The following ERG variants were observed in gnomAD, a reference collection of about 807,000 sequenced individuals.
The protein encoded by ERG is transcriptional regulator ERG.
ERG carries 9 observed loss-of-function variants against 55.3 expected under a neutral mutation model. That is an observed-to-expected ratio of 0.16 (90% CI 0.10 to 0.28). ERG has a LOEUF of 0.28. ERG is among the 10% of genes least tolerant of loss of function. The probability of loss-of-function intolerance (pLI) is 1.00; values close to 1 mark genes in which losing one functional copy is unlikely to be tolerated. For missense variants in ERG, 434 were observed against 631.6 expected (o/e 0.69, Z 3.35); for synonymous variants, 223 against 237.3 (o/e 0.94, Z 0.55).
At chr21:38,549,540 T>G (rs1473964954) in intron 2 of ERG, among the ~76,000 whole-genome samples, 1 of 152,212 alleles carries the variant, frequency 6.6e-6, no homozygotes. Context: ...ATGTCCTGAT[T>G]GTTGGGGTTT....
rs1333719146 is a variant in ERG, at chr21:38,429,744, TATAC to T, written c.237-6187_237-6184del. 6.4e-3 allele frequency among the ~76,000 whole-genome samples: 689 copies of T among 107,516 alleles called. 23 individuals are homozygous for T. The highest frequency in any genetic ancestry group is 0.024 in the African/African-American group (656 of 26,910). 70.5% of individuals were successfully genotyped at this position (107,516 alleles called of 152,430 possible). On this transcript the variant is annotated intron_variant, in intron 2 of 9. Coordinates refer to ENST00000288319, the MANE Select transcript of ERG (RefSeq NM_182918.4). ...GTCTATATATATGTGTGTATATATA[TATAC>T]ACACACACACACACACCACATTTTC... is the stretch of plus-strand genomic sequence containing the variant.
chr21:38,515,115 G>A (rs1317584385), intron 2 of ERG, among the ~76,000 whole-genome samples: 1 of 151,862 alleles, frequency 6.6e-6, no homozygotes, highest in Admixed American at 6.6e-5. Flanking sequence ...TTCATGGATT[G>A]AAAAACTTAA....
chr21:38,528,366 A>T (rs1002751825), intron 2 of ERG, among the ~76,000 whole-genome samples: 3 of 151,040 alleles, frequency 2.0e-5, no homozygotes, highest in African/African-American at 7.3e-5. Flanking sequence ...TTAGAACTTC[A>T]CAATTACTGA....
chr21:38,387,217 C>T (rs1569056450), intron 9 of ERG, among the ~76,000 whole-genome samples: 4 of 152,212 alleles, frequency 2.6e-5, no homozygotes, highest in Admixed American at 6.5e-5. Context: ...TAAATACAGC[C>T]GTGAGGGGCC....
intron 2 of ERG, among the ~76,000 whole-genome samples, chr21:38,435,565 G>A (rs796778796): frequency 6.6e-6 from 1 of 152,152 alleles, no homozygotes; most frequent in South Asian, 2.1e-4. Context: ...CTTCCCAACA[G>A]TCCTGTTCCC....
At chr21:38,386,670 C>T (rs1390719151) in intron 9 of ERG, among the ~76,000 whole-genome samples, 1 of 152,096 alleles carries the variant, frequency 6.6e-6, no homozygotes, top group African/African-American at 2.4e-5. Context: ...TGGCTTGGGT[C>T]ACTCATGGGC....
intron 2 of ERG, among the ~76,000 whole-genome samples, chr21:38,565,449 ACAG>A: frequency 6.6e-6 from 1 of 152,272 alleles, no homozygotes; most frequent in Admixed American, 6.5e-5. Context: ...TCCTTGCTTA[ACAG>A]AAGTCTACAA....
chr21:38,426,844 C>T (rs922122612), intron 2 of ERG, among the ~76,000 whole-genome samples: 16 of 151,682 alleles, frequency 1.1e-4, no homozygotes, highest in African/African-American at 2.9e-4. Context: ...GCAGGAGAAT[C>T]GCTTGAACCA....
downstream of ERG, among the ~76,000 whole-genome samples, chr21:38,378,255 C>T (rs937649918): frequency 1.3e-5 from 2 of 152,142 alleles, no homozygotes; most frequent in Non-Finnish European, 2.9e-5. Flanking sequence ...TGCACTGGAC[C>T]GAAGAAGACC....
At chr21:38,624,791 A>C (rs2060314657) in intron 1 of ERG, among the ~76,000 whole-genome samples, 1 of 152,224 alleles carries the variant, frequency 6.6e-6, no homozygotes, top group African/African-American at 2.4e-5. Context: ...TAAAGCACCT[A>C]GAATAATACT....
At chr21:38,638,609 G>A (rs1449098083) in intron 1 of ERG, among the ~76,000 whole-genome samples, 5 of 152,366 alleles carry the variant, frequency 3.3e-5, no homozygotes, top group African/African-American at 1.2e-4. Flanking sequence ...GCAAATAAGA[G>A]AATGGCAGTT....
chr21:38,499,006 C>T (rs1364043894), upstream of ERG, among the ~76,000 whole-genome samples: 2 of 152,230 alleles, frequency 1.3e-5, no homozygotes, highest in Admixed American at 6.5e-5. Context: ...TTCAACATTT[C>T]ATATAAGTGT....
Position 38,528,540 on chromosome 21 carries a change from C to T in ERG, c.-41+47122G>A, listed in dbSNP as rs575782119. Among the ~76,000 whole-genome samples the T allele has an allele frequency of 4.7e-3, 211 of 45,050 alleles. 53 individuals carry two copies. In the Middle Eastern group the frequency reaches 0.12, roughly 27 times the overall value. 29.6% of individuals were successfully genotyped at this position (45,050 alleles called of 152,430 possible). A position where few individuals can be genotyped will look rare whatever the true frequency, so the allele number is the denominator to read the frequency against. On this transcript the variant is annotated intron_variant, in intron 2 of 8. Coordinates refer to the ERG transcript ENST00000398897. ...TCGGCTCACTGCAAGCTCCGCCTCCCGGGTTCACGCCATTCTCCTGCCTCA... is the reference window on the plus strand; with the variant it reads ...TCGGCTCACTGCAAGCTCCGCCTCCTGGGTTCACGCCATTCTCCTGCCTCA...
At position 38,460,096 on chromosome 21, in the gene ERG, C is replaced by T. The variant is rs182516769; in HGVS notation, c.19-14475G>A. Among the ~76,000 whole-genome samples the T allele has an allele frequency of 1.2e-4, 19 of 152,200 alleles. No homozygotes were observed. The highest frequency in any genetic ancestry group is 7.7e-4 in the East Asian group (4 of 5,168). On this transcript the variant is annotated intron_variant, in intron 1 of 9. Coordinates refer to ENST00000288319, the MANE Select transcript of ERG (RefSeq NM_182918.4). The surrounding 1 kb of genome is among the most constrained non-coding windows in gnomAD (Gnocchi z 5.0). The stretch of plus-strand genomic sequence containing the variant: ...GCGAAGGAGGGGAGGGTGTGAGCCC[C>T]CATGCATTCATGAAGAATAGGCCTT...
intron 2 of ERG, among the ~76,000 whole-genome samples, chr21:38,557,297 T>C (rs1233210161): frequency 6.6e-6 from 1 of 152,248 alleles, no homozygotes; most frequent in Non-Finnish European, 1.5e-5. Flanking sequence ...AAAGTTTATT[T>C]AAAGCCACAA....
At chr21:38,613,926 T>G (rs773397853) in intron 1 of ERG, among the ~76,000 whole-genome samples, 9 of 152,114 alleles carry the variant, frequency 5.9e-5, no homozygotes, top group African/African-American at 1.2e-4. Context: ...AGTTCAGGAC[T>G]TCAGTGGCCT....
At chr21:38,575,380 T>C (rs987093138) in intron 2 of ERG, among the ~76,000 whole-genome samples, 36 of 152,208 alleles carry the variant, frequency 2.4e-4, no homozygotes, top group Admixed American at 1.8e-3. Context: ...ACTGTGCCAT[T>C]ATGGAGTGAA....
chr21:38,399,976 T>G (rs954819220), intron 6 of ERG: 5 of 206,132 alleles, frequency 2.4e-5, no homozygotes, highest in African/African-American at 9.3e-5. Context: ...GAAGTAAACT[T>G]TCTGAAGACA....
chr21:38,371,575 A>C, the ERG span, among the ~76,000 whole-genome samples: 1 of 152,038 alleles, frequency 6.6e-6, no homozygotes, highest in African/African-American at 2.4e-5. Context: ...CTAGTAGTTA[A>C]TAAGATATAG....
Sources: gnomAD v4.1 joint callset for allele counts (sites outside exome capture counted in the v4.1 genomes callset) on GRCh38, gnomAD v4.1.1 for gene constraint, Gnocchi (gnomAD v3.1) non-coding constraint, MANE v1.5 for transcripts, NCBI Gene and HGNC (gene_info 2026-07-23, HGNC 2026-07-21) for gene names.